PDE4D: variants seen among roughly 807,000 people sequenced by gnomAD.
The protein encoded by PDE4D is phosphodiesterase 4D, also known as 3',5'-cyclic-AMP phosphodiesterase 4D.
In PDE4D, 24 loss-of-function variants were observed where a neutral mutation model predicts 87.4. The observed-to-expected ratio is 0.27, with a 90% CI of 0.20 to 0.39. The LOEUF (loss-of-function observed/expected upper bound fraction) is 0.39. Ranked by LOEUF, PDE4D falls within the 10% of genes least tolerant of loss-of-function variation. The pLI is 1.00. For missense variants in PDE4D, 714 were observed against 1,041.0 expected (o/e 0.69, Z 4.32); for synonymous variants, 384 against 383.2 (o/e 1.00, Z -0.02).
chr5:59,428,654 T>C (rs1446179051), intron 1 of PDE4D, among the ~76,000 whole-genome samples: 1 of 152,090 alleles, frequency 6.6e-6, no homozygotes, highest in Non-Finnish European at 1.5e-5. Context: ...GAAGTTGAGG[T>C]TTTAAAATTT....
intron 5 of PDE4D, chr5:59,040,157 C>A (rs2153395142): frequency 6.6e-6 from 1 of 152,380 alleles, no homozygotes; most frequent in South Asian, 2.1e-4. Flanking sequence ...TCACCTACTT[C>A]AAGGAGGCAG....
At chr5:60,384,841 T>C (rs556726676) in intron 1 of PDE4D, among the ~76,000 whole-genome samples, 2 of 152,276 alleles carry the variant, frequency 1.3e-5, no homozygotes, top group Non-Finnish European at 2.9e-5. Context: ...TCCATGGAAA[T>C]ACCTCAAATT....
intron 3 of PDE4D, among the ~76,000 whole-genome samples, chr5:59,984,994 C>T (rs537473965): frequency 2.0e-5 from 3 of 152,064 alleles, no homozygotes; most frequent in Non-Finnish European, 2.9e-5. Context: ...AATAATGAGG[C>T]AATGGGCTGG....
chr5:59,457,943 T>C (rs7715956), intron 1 of PDE4D, among the ~76,000 whole-genome samples: 6,199 of 151,698 alleles, frequency 0.041, 443 homozygotes, highest in African/African-American at 0.14. Flanking sequence ...AAAGACAAAA[T>C]AAGACAAGAA....
At chr5:59,324,066 C>T (rs1775201848) in intron 1 of PDE4D, among the ~76,000 whole-genome samples, 1 of 152,086 alleles carries the variant, frequency 6.6e-6, no homozygotes, top group Admixed American at 6.6e-5. Context: ...CTCTCTCCTT[C>T]CACCACCCTT....
At chr5:60,222,040 C>T (rs1487837164) in intron 1 of PDE4D, among the ~76,000 whole-genome samples, 1 of 152,060 alleles carries the variant, frequency 6.6e-6, no homozygotes, top group Non-Finnish European at 1.5e-5. Context: ...CACCCTTCTC[C>T]CCGCACATAC....
intron 1 of PDE4D, among the ~76,000 whole-genome samples, chr5:60,453,759 T>C (rs1001694484): frequency 1.1e-4 from 16 of 152,036 alleles, no homozygotes; most frequent in African/African-American, 3.9e-4. Flanking sequence ...TTAAGTACAC[T>C]CCTCTCTGCA....
intron 3 of PDE4D, among the ~76,000 whole-genome samples, chr5:59,982,181 A>G (rs1046796824): frequency 6.6e-6 from 1 of 152,164 alleles, no homozygotes; most frequent in African/African-American, 2.4e-5. Flanking sequence ...GGACATAGTG[A>G]TACGAAGGTA....
chr5:60,045,680 C>T (rs1485819760), intron 2 of PDE4D, among the ~76,000 whole-genome samples: 1 of 151,992 alleles, frequency 6.6e-6, no homozygotes, highest in African/African-American at 2.4e-5. Context: ...TGTAGATATG[C>T]AGCATTATTT....
chr5:59,329,100 A>G (rs1776250717), intron 1 of PDE4D, among the ~76,000 whole-genome samples: 1 of 152,190 alleles, frequency 6.6e-6, no homozygotes, highest in Non-Finnish European at 1.5e-5. Context: ...AGTGCAAGGC[A>G]GAGAGGGGAG....
intron 1 of PDE4D, chr5:59,768,638 G>T: frequency 6.6e-7 from 1 of 1,526,340 alleles, no homozygotes; most frequent in Admixed American, 1.9e-5. Flanking sequence ...GCCTGCCTCA[G>T]TCTCTCTGTA....
At chr5:59,921,798 C>G (rs529389272) in intron 3 of PDE4D, among the ~76,000 whole-genome samples, 3 of 152,074 alleles carry the variant, frequency 2.0e-5, no homozygotes, top group Non-Finnish European at 4.4e-5. Context: ...GCAAGATGAC[C>G]AAATAGAAGC....
chr5:59,282,987 T>C (rs1766148842), intron 1 of PDE4D, among the ~76,000 whole-genome samples: 1 of 152,000 alleles, frequency 6.6e-6, no homozygotes, highest in Non-Finnish European at 1.5e-5. Context: ...GCCTTTGGAG[T>C]CAGACTGCCT....
At chr5:59,771,462 A>AAAGAAAGAAAGAGAGAG (rs1561636960) in intron 1 of PDE4D, among the ~76,000 whole-genome samples, 8 of 78,810 alleles carry the variant, frequency 1.0e-4, no homozygotes, top group African/African-American at 4.0e-4. Flanking sequence ...AGAAAGAAAG[A>AAAGAAAGAAAGAGAGAG]AAGAAAGAAA....
chr5:59,836,656 A>ATCTATCTT (rs1207936243), intron 1 of PDE4D, among the ~76,000 whole-genome samples: 1 of 149,160 alleles, frequency 6.7e-6, no homozygotes, highest in African/African-American at 2.5e-5. Context: ...CTATCTATCT[A>ATCTATCTT]TCATCTATCT....
chr5:60,473,112 A>G (rs1747943721), intron 1 of PDE4D, among the ~76,000 whole-genome samples: 1 of 113,344 alleles, frequency 8.8e-6, no homozygotes, highest in Admixed American at 8.3e-5. Flanking sequence ...AAAGAAAGAG[A>G]GAGAGAGAAA....
At chr5:59,551,908 G>T (rs752351059) in intron 1 of PDE4D, among the ~76,000 whole-genome samples, 48 of 151,968 alleles carry the variant, frequency 3.2e-4, no homozygotes, top group Non-Finnish European at 5.7e-4. Context: ...TTTGTGACTA[G>T]AATCTTGTGC....
At chr5:60,515,187 A>G (rs983661088) in intron 1 of PDE4D, among the ~76,000 whole-genome samples, 10 of 152,134 alleles carry the variant, frequency 6.6e-5, no homozygotes, top group African/African-American at 2.2e-4. Context: ...TATTGATATC[A>G]GATAGTTTTA....
chr5:59,001,521 C>T (rs1293312266), intron 6 of PDE4D, among the ~76,000 whole-genome samples: 4 of 152,188 alleles, frequency 2.6e-5, no homozygotes, highest in Admixed American at 6.5e-5. Context: ...AAAGCTCCAA[C>T]ATTCCACTAA....
Sources: allele counts gnomAD v4.1 joint callset (sites outside exome capture counted in the v4.1 genomes callset), GRCh38; gene constraint gnomAD v4.1.1; transcripts MANE v1.5; gene names NCBI Gene and HGNC (gene_info 2026-07-23, HGNC 2026-07-21).